Variants in HRC observed in about 807,000 individuals in gnomAD.
The protein encoded by HRC is histidine rich calcium binding protein.
HRC carries 41 observed loss-of-function variants against 61.4 expected under a neutral mutation model. That is an observed-to-expected ratio of 0.67 (90% CI 0.52 to 0.87). The LOEUF (loss-of-function observed/expected upper bound fraction) is 0.87. Among genes scored for constraint, HRC ranks in the 40% least tolerant of loss-of-function variants. The pLI, the probability that HRC is intolerant of heterozygous loss-of-function variation, is 0.00. For missense variants in HRC, 839 were observed against 885.8 expected (o/e 0.95, Z 0.67); for synonymous variants, 308 against 326.6 (o/e 0.94, Z 0.62).
Position 49,152,005 on chromosome 19 carries a change from T to A in HRC, c.2025A>T (p.Pro675=). ...CPLVCETVCA[P]GSYVDYFSSS... ...TTCCAGGGCCCCGCCCATGCTCACC[T>A]GGAGCGCAGACCGTTTCGCAGACCA... Residue 675 remains proline (P), a splice_region_variant and synonymous_variant, in exon 4 of 6, where the codon CCA becomes CCT. Transcript: ENST00000252825. The A allele has an allele frequency of 6.2e-7, 1 of 1,614,146 alleles. No homozygotes were observed. Among genetic ancestry groups the A allele is most frequent in the Non-Finnish European group, 8.5e-7 (1 of 1,179,986 alleles).
rs200762319 is a variant in HRC, at chr19:49,154,308, G to A, written c.930C>T (p.Val310=). ...HEEDDNDDDD[V]STEYGHQAHR... ...GGGCCTGGTGTCCATACTCAGTGGAGACATCATCATCATCATTGTCATCTT... is the reference window on the plus strand; with the variant it reads ...GGGCCTGGTGTCCATACTCAGTGGAAACATCATCATCATCATTGTCATCTT... Residue 310 remains valine, a synonymous_variant, in exon 1 of 6, where the codon GTC becomes GTT. Transcript: ENST00000252825. 1.4e-5 allele frequency: 22 copies of A among 1,613,222 alleles called. No homozygotes were observed. In the East Asian group the frequency reaches 4.9e-4, roughly 36 times the overall value.
intron 2 of HRC, 92 bp from the exon 3 acceptor site, chr19:49,152,470 C>A: frequency 1.1e-6 from 1 of 952,124 alleles, no homozygotes. Context: ...GGACGCTTCC[C>A]CAGACTCTAC....
At chr19:49,152,409 A>G (rs1440658071) in intron 2 of HRC, 31 bp from the exon 3 acceptor site, 3 of 1,594,468 alleles carry the variant, frequency 1.9e-6, no homozygotes, top group Admixed American at 3.4e-5. Flanking sequence ...GTTAGATGGA[A>G]ACTCTAACGC....
Position 49,154,673 on chromosome 19 carries a change from C to T in HRC, c.565G>A (p.Asp189Asn), listed in dbSNP as rs192949298. ...TCCTCCTCCTCTTCTCCTTCATCATCTTCCCCATCATGGCCTCGGTGTCCA... is the reference window on the plus strand; with the variant it reads ...TCCTCCTCCTCTTCTCCTTCATCATTTTCCCCATCATGGCCTCGGTGTCCA... ...RHGHRGHDGE[D>N]DEGEEEEEEE... Residue 189 changes from aspartate to asparagine, a missense_variant, in exon 1 of 6, where the codon GAT (aspartate) becomes AAT (asparagine). Coordinates refer to ENST00000252825, the MANE Select transcript of HRC (RefSeq NM_002152.3). 28 of 1,604,588 alleles carry T rather than the reference C, an allele frequency of 1.7e-5. No homozygotes were observed. In the East Asian group the frequency reaches 3.6e-4, roughly 21 times the overall value.
rs372582399 is a variant in HRC, at chr19:49,151,594, C to G, written c.2027-41G>C. 10 of 1,600,306 alleles carry G rather than the reference C, an allele frequency of 6.2e-6. No individual in the cohort carries two copies. In the African/African-American group the frequency reaches 1.2e-4, roughly 19 times the overall value. ...GAAAAGAGGCTTGAGGGGTACTGCA[C>G]GAGCAAAATTAGGCAGCCACTCAGT... On this transcript the variant is annotated intron_variant, in intron 4 of 5. Transcript: ENST00000252825.
Position 49,154,380 on chromosome 19 carries a change from A to G in HRC, c.858T>C (p.Asp286=), listed in dbSNP as rs1361088805. The change falls in exon 1 of 6, where the codon GAT becomes GAC. Residue 286 remains aspartate, a synonymous_variant. Transcript: ENST00000252825. ...GGCTGGGGTCGCGATGATGGTGTCC[A>G]TCTGAGACATCTTCATCCTCTTCAA... ...HGIEEDEDVS[D]GHHHRDPSHR... The G allele has an allele frequency of 6.2e-7, 1 of 1,607,376 alleles. No homozygotes were observed. Among genetic ancestry groups the G allele is most frequent in the Non-Finnish European group, 8.5e-7 (1 of 1,179,202 alleles).
chr19:49,151,692 G>A (rs1296186537), intron 4 of HRC, 139 bp from the exon 5 acceptor site: 6 of 787,566 alleles, frequency 7.6e-6, no homozygotes, highest in Non-Finnish European at 1.2e-5. Context: ...CCCTTCTACC[G>A]GACCCCTTTT....
chr19:49,153,705 A>G lies in HRC; in HGVS notation c.1533T>C (p.His511=). The change falls in exon 1 of 6, where the codon CAT becomes CAC. Residue 511 remains histidine (H), a synonymous_variant. Coordinates refer to ENST00000252825, the MANE Select transcript of HRC (RefSeq NM_002152.3). The surrounding 1 kb of genome is among the most constrained non-coding windows in gnomAD (Gnocchi z 4.8). ...CCTCATCTTCCTGGTCCCGGCTGCC[A>G]TGATGGGTGCCTTTCTCTCCCTGCT... is the stretch of plus-strand genomic sequence containing the variant. ...SSEQGEKGTH[H]GSRDQEDEED... is the part of the protein sequence containing the mutation. 3 of 1,613,802 alleles carry G rather than the reference A, an allele frequency of 1.9e-6. No homozygotes were observed. In the African/African-American group the frequency reaches 4.0e-5, roughly 22 times the overall value.
chr19:49,152,376 T>C lies in HRC; in HGVS notation c.1905A>G (p.Arg635=), dbSNP rs2041369702. The change falls in exon 3 of 6, where the codon CGA becomes CGG. Residue 635 remains arginine, a splice_region_variant and synonymous_variant. Transcript: ENST00000252825. ...SLCGYCSFCN[R]CTECESCHCD... is the part of the protein sequence containing the mutation. ...AGTGACAGCTCTCACATTCAGTGCA[T>C]CGCTGGGGACCGGGGGAGCCTGGTT... is the stretch of plus-strand genomic sequence containing the variant. 1 of 1,613,314 alleles carries C rather than the reference T, an allele frequency of 6.2e-7. No homozygotes were observed. Among genetic ancestry groups the C allele is most frequent in the African/African-American group, 1.3e-5 (1 of 74,834 alleles).
Position 49,153,262 on chromosome 19 carries a change from T to C in HRC, c.1901A>G (p.Asn634Ser), listed in dbSNP as rs779973975. The C allele has an allele frequency of 3.0e-5, 48 of 1,611,586 alleles. No homozygotes were observed. The highest frequency in any genetic ancestry group is 3.8e-5 in the Non-Finnish European group (45 of 1,177,898). Residue 634 changes from asparagine to serine, a missense_variant and splice_region_variant, in exon 2 of 6, where the codon AAT becomes AGT. By Grantham distance (46) the Asn-to-Ser change is conservative (BLOSUM62 1). Transcript: ENST00000252825. This position sits in a 1 kb window ranked among gnomAD's most constrained non-coding sequence, Gnocchi z 4.8. ...GSLCGYCSFC[N>S]RCTECESCHC... ...GGTGGATCTGGGCTGGGGACATACATTGCAGAAGGAGCAGTAGCCACACAG... is the reference window on the plus strand; with the variant it reads ...GGTGGATCTGGGCTGGGGACATACACTGCAGAAGGAGCAGTAGCCACACAG...
chr19:49,153,828 C>G lies in HRC; in HGVS notation c.1410G>C (p.Val470=), dbSNP rs372124351. The change falls in exon 1 of 6, where the codon GTG becomes GTC. Residue 470 remains valine, a synonymous_variant. Coordinates refer to ENST00000252825, the MANE Select transcript of HRC (RefSeq NM_002152.3). The surrounding 1 kb of genome is among the most constrained non-coding windows in gnomAD (Gnocchi z 4.8). ...EMSHHPPGHT[V]VKDRSHLRKD... is the part of the protein sequence containing the mutation. ...TCCTCAAATGGCTTCTATCCTTGAC[C>G]ACTGTGTGTCCTGGGGGGTGATGGC... 1 of 1,614,004 alleles carries G rather than the reference C, an allele frequency of 6.2e-7. No homozygotes were observed. The highest frequency in any genetic ancestry group is 8.5e-7 in the Non-Finnish European group (1 of 1,180,026).
chr19:49,152,867 G>C (rs1350967226), intron 2 of HRC, among the ~76,000 whole-genome samples: 1 of 150,974 alleles, frequency 6.6e-6, no homozygotes, highest in African/African-American at 2.4e-5. Flanking sequence ...CACCACACCC[G>C]GCCCTGCCCC....
intron 2 of HRC, among the ~76,000 whole-genome samples, chr19:49,152,850 C>T (rs2041375168): frequency 6.6e-6 from 1 of 151,644 alleles, no homozygotes; most frequent in Non-Finnish European, 1.5e-5. Flanking sequence ...AGATTACAGG[C>T]GTGAGCCACC....
In HRC at chr19:49,154,002, T is replaced by G; in HGVS notation, c.1236A>C (p.Thr412=). 6.2e-7 allele frequency: 1 copy of G among 1,613,854 alleles called. No homozygotes were observed. Among genetic ancestry groups the G allele is most frequent in the Non-Finnish European group, 8.5e-7 (1 of 1,179,972 alleles). ...DEEDFQDEYK[T]EVPHHHHHRV... ...TGTGGTGGTGATGGTGAGGGACTTC[T>G]GTTTTATACTCATCTTGGAAGTCCT... The change falls in exon 1 of 6, where the codon ACA becomes ACC. Residue 412 remains threonine (T), a synonymous_variant. Transcript: ENST00000252825.
At position 49,155,034 on chromosome 19, in the gene HRC, T is replaced by G; in HGVS notation, c.204A>C (p.Pro68=). Residue 68 remains proline (P), a synonymous_variant, in exon 1 of 6, where the codon CCA becomes CCC. Coordinates refer to ENST00000252825, the MANE Select transcript of HRC (RefSeq NM_002152.3). The surrounding 1 kb of genome is among the most constrained non-coding windows in gnomAD (Gnocchi z 4.7). ...RHHLHSPRDH[P]DENKDVSTEN... ...CTGTGGAAACATCCTTGTTCTCATCTGGATGGTCTCTAGGGCTGTGGAGGT... is the reference window on the plus strand; with the variant it reads ...CTGTGGAAACATCCTTGTTCTCATCGGGATGGTCTCTAGGGCTGTGGAGGT... 6.2e-7 allele frequency: 1 copy of G among 1,614,216 alleles called. No homozygotes were observed. The highest frequency in any genetic ancestry group is 1.1e-5 in the South Asian group (1 of 91,086).
Position 49,154,872 on chromosome 19 carries a change from C to T in HRC, c.366G>A (p.Glu122=), listed in dbSNP as rs1263578855. The T allele has an allele frequency of 6.2e-7, 1 of 1,614,172 alleles. No individual in the cohort carries two copies. Among genetic ancestry groups the T allele is most frequent in the East Asian group, 2.2e-5 (1 of 44,872 alleles). Reference sequence around the variant, plus strand: ...CCTGCCCACCATGCTCTGCAAAGACCTCCTCACCTGAGACACCCTCATCTC... The same window carrying T: ...CCTGCCCACCATGCTCTGCAAAGACTTCCTCACCTGAGACACCCTCATCTC... ...KVGDEGVSGE[E]VFAEHGGQAR... The change falls in exon 1 of 6, where the codon GAG becomes GAA. Residue 122 remains glutamate (E), a synonymous_variant. Transcript: ENST00000252825.
At chr19:49,152,867 G>A (rs1350967226) in intron 2 of HRC, among the ~76,000 whole-genome samples, 2 of 150,974 alleles carry the variant, frequency 1.3e-5, no homozygotes, top group African/African-American at 4.9e-5. Context: ...CACCACACCC[G>A]GCCCTGCCCC....
chr19:49,153,651 G>C lies in HRC; in HGVS notation c.1587C>G (p.Ser529Arg). ...EEDEEEGHGL[S>R]LNQEEEEEED... is the part of the protein sequence containing the mutation. ...CCTCTTCTTCCTCCTCCTGGTTCAG[G>C]CTGAGGCCATGACCTTCCTCCTCAT... Residue 529 changes from serine (S) to arginine (R), a missense_variant, in exon 1 of 6, where the codon AGC (serine) becomes AGG (arginine). Physicochemically the swap from Ser to Arg is moderately radical, Grantham distance 110. Transcript: ENST00000252825. The surrounding 1 kb of genome is among the most constrained non-coding windows in gnomAD (Gnocchi z 4.8). The C allele has an allele frequency of 6.3e-7, 1 of 1,582,896 alleles. No homozygotes were observed. The highest frequency in any genetic ancestry group is 8.7e-7 in the Non-Finnish European group (1 of 1,153,354).
chr19:49,151,881 G>A (rs866649370), intron 4 of HRC, 123 bp downstream of exon 4: 2 of 958,612 alleles, frequency 2.1e-6, no homozygotes, highest in African/African-American at 1.6e-5. Flanking sequence ...CAGAGCCTTG[G>A]CCACGCCTCC....
Sources: allele counts gnomAD v4.1 joint callset (sites outside exome capture counted in the v4.1 genomes callset), GRCh38; gene constraint gnomAD v4.1.1; non-coding constraint Gnocchi (gnomAD v3.1); transcripts MANE v1.5; gene names NCBI Gene and HGNC (gene_info 2026-07-23, HGNC 2026-07-21).